The following THRB variants were observed in gnomAD, a reference collection of about 807,000 sequenced individuals.
The protein encoded by THRB is thyroid hormone receptor beta.
Under a neutral mutation model 47.8 loss-of-function variants are expected in THRB, and 12 were observed. The observed-to-expected ratio is 0.25, with a 90% CI of 0.16 to 0.41. The LOEUF (loss-of-function observed/expected upper bound fraction) is 0.41. Ranked by LOEUF, THRB falls within the 10% of genes least tolerant of loss-of-function variation. THRB has a pLI of 1.00. For synonymous variants in THRB, 218 were observed against 212.2 expected (o/e 1.03, Z -0.24); for missense variants, 348 against 589.2 (o/e 0.59, Z 4.24).
At chr3:24,198,634 A>G (rs2044253536) in intron 4 of THRB, among the ~76,000 whole-genome samples, 1 of 151,860 alleles carries the variant, frequency 6.6e-6, no homozygotes, top group African/African-American at 2.4e-5. Context: ...TTCCCTTACT[A>G]TTCCAGTCTG....
chr3:24,390,795 A>T lies in THRB; in HGVS notation c.-260-53424T>A, dbSNP rs376272381. Among the ~76,000 whole-genome samples, 396 of 59,144 alleles carry T rather than the reference A, an allele frequency of 6.7e-3. 3 individuals are homozygous for T. The highest frequency in any genetic ancestry group is 0.03 in the Middle Eastern group (5 of 166). The allele number at this position is 59,144 out of a possible 152,430, so 38.8% of individuals were successfully genotyped here. A position where few individuals can be genotyped will look rare whatever the true frequency, so the allele number is the denominator to read the frequency against. ...CAATCTTTACTTTGTAAAAAAAAAAAAAATATATATATATATATAATATTA... is the reference window on the plus strand; with the variant it reads ...CAATCTTTACTTTGTAAAAAAAAAATAAATATATATATATATATAATATTA... On this transcript the variant is annotated intron_variant, in intron 1 of 10. Coordinates refer to ENST00000646209, the MANE Select transcript of THRB (RefSeq NM_001354712.2).
intron 3 of THRB, among the ~76,000 whole-genome samples, chr3:24,235,941 C>G (rs985553653): frequency 6.6e-6 from 1 of 152,084 alleles, no homozygotes; most frequent in African/African-American, 2.4e-5. Flanking sequence ...GACTGGAGTT[C>G]ATGGGATGGG....
At chr3:24,196,522 T>C (rs1311375620) in intron 4 of THRB, among the ~76,000 whole-genome samples, 1 of 152,192 alleles carries the variant, frequency 6.6e-6, no homozygotes, top group Non-Finnish European at 1.5e-5. Flanking sequence ...TGCATCCACA[T>C]GACCTCTCTT....
chr3:24,380,146 C>A (rs796940382), intron 1 of THRB, among the ~76,000 whole-genome samples: 4 of 147,372 alleles, frequency 2.7e-5, no homozygotes, highest in East Asian at 3.9e-4. Flanking sequence ...ATTGTCCTGG[C>A]ACACTAGATG....
intron 4 of THRB, among the ~76,000 whole-genome samples, chr3:24,211,724 G>A (rs2046044225): frequency 6.6e-6 from 1 of 152,114 alleles, no homozygotes; most frequent in African/African-American, 2.4e-5. Flanking sequence ...ATCCTACCTT[G>A]GCTAAGCCAC....
chr3:24,289,537 C>CT (rs200587836), intron 3 of THRB, among the ~76,000 whole-genome samples: 1,635 of 152,104 alleles, frequency 0.011, 23 homozygotes, highest in African/African-American at 0.037. Context: ...TCAGTCTTTT[C>CT]TTTTTTTGGA....
intron 5 of THRB, chr3:24,164,921 G>T: frequency 3.6e-4 from 203 of 566,566 alleles, no homozygotes; most frequent in East Asian, 4.1e-4. Flanking sequence ...CAAATATTTA[G>T]CGTTCAAATT....
chr3:24,414,006 T>C (rs2068542925), intron 1 of THRB, among the ~76,000 whole-genome samples: 1 of 151,866 alleles, frequency 6.6e-6, no homozygotes, highest in Admixed American at 6.6e-5. Flanking sequence ...CTCCATATTT[T>C]AAAAATTGGA....
intron 1 of THRB, among the ~76,000 whole-genome samples, chr3:24,399,241 A>G (rs77398503): frequency 6.6e-6 from 1 of 151,972 alleles, no homozygotes; most frequent in African/African-American, 2.4e-5. Flanking sequence ...AAAAAAAAAA[A>G]GAAAATGACC....
At chr3:24,336,534 G>A (rs2062262335) in intron 2 of THRB, among the ~76,000 whole-genome samples, 1 of 152,288 alleles carries the variant, frequency 6.6e-6, no homozygotes, top group Admixed American at 6.5e-5. Context: ...AAACTGTGTT[G>A]TTATAATAAT....
chr3:24,121,480 A>G lies in THRB; in HGVS notation c.*1404T>C, dbSNP rs576686034. 6.5e-6 allele frequency: 1 copy of G among 152,796 alleles called. No individual in the cohort carries two copies. Among genetic ancestry groups the G allele is most frequent in the South Asian group, 2.1e-4 (1 of 4,830 alleles). 9.5% of individuals were successfully genotyped at this position (152,796 alleles called of 1,614,324 possible). ...TGGAGAATGAGATACATTCAATTGCATGGGTACATTCTATGCCCATTTTCT... is the reference window on the plus strand; with the variant it reads ...TGGAGAATGAGATACATTCAATTGCGTGGGTACATTCTATGCCCATTTTCT... On this transcript the variant is annotated 3_prime_UTR_variant, in exon 11 of 11. Transcript: ENST00000646209.
chr3:24,453,910 C>T (rs774202118), intron 1 of THRB, among the ~76,000 whole-genome samples: 8 of 152,158 alleles, frequency 5.3e-5, no homozygotes, highest in Non-Finnish European at 8.8e-5. Context: ...ACAGCTTCAT[C>T]AAATCCTCAA....
chr3:24,471,670 T>C (rs1331624650), intron 1 of THRB, among the ~76,000 whole-genome samples: 9 of 152,134 alleles, frequency 5.9e-5, no homozygotes, highest in Admixed American at 5.9e-4. Context: ...CAGAGAGGAC[T>C]GAGGCAGAGA....
In THRB at chr3:24,127,449, G is replaced by A. The variant is rs770116510; in HGVS notation, c.1144+50C>T. On this transcript the variant is annotated intron_variant, in intron 10 of 10. Coordinates refer to ENST00000646209, the MANE Select transcript of THRB (RefSeq NM_001354712.2). ...ACTCAAGTGATTGGAATTAGCGCTA[G>A]ACAAGCAAAAGCTCTTTGGATGCCC... The A allele has an allele frequency of 2.5e-5, 40 of 1,606,972 alleles. No individual in the cohort carries two copies. The Admixed American group carries it at 4.3e-4, about 17-fold the overall frequency.
chr3:24,282,018 C>T (rs2054676407), intron 3 of THRB, among the ~76,000 whole-genome samples: 1 of 130,208 alleles, frequency 7.7e-6, no homozygotes, highest in Non-Finnish European at 1.6e-5. Context: ...CAACATTAGA[C>T]AGATCAACGA....
intron 1 of THRB, chr3:24,494,070 G>A (rs1698621612): frequency 6.5e-6 from 1 of 152,910 alleles, no homozygotes; most frequent in African/African-American, 2.4e-5. Flanking sequence ...AAGCCCCCAG[G>A]AGGCGGAGAG....
intron 1 of THRB, among the ~76,000 whole-genome samples, chr3:24,365,206 A>G (rs370886534): frequency 6.6e-6 from 1 of 152,174 alleles, no homozygotes; most frequent in Admixed American, 6.5e-5. Context: ...TTGAAAGAGT[A>G]CACTAATCCA....
chr3:24,449,564 G>T (rs2072438714), intron 1 of THRB, among the ~76,000 whole-genome samples: 1 of 152,132 alleles, frequency 6.6e-6, no homozygotes, highest in Admixed American at 6.5e-5. Flanking sequence ...ATTTTCTGTG[G>T]AATTTTTGAC....
At chr3:24,427,313 T>C (rs774900332) in intron 1 of THRB, among the ~76,000 whole-genome samples, 73 of 152,134 alleles carry the variant, frequency 4.8e-4, no homozygotes, top group Middle Eastern at 3.4e-3. Context: ...CATGAACTTT[T>C]AGCAACCCTC....
Sources: allele counts gnomAD v4.1 joint callset (sites outside exome capture counted in the v4.1 genomes callset), GRCh38; gene constraint gnomAD v4.1.1; transcripts MANE v1.5; gene names NCBI Gene and HGNC (gene_info 2026-07-23, HGNC 2026-07-21).